Variants in MC2R observed in about 807,000 individuals in gnomAD.
The protein encoded by MC2R is melanocortin 2 receptor, also known as adrenocorticotropic hormone receptor.
Under a neutral mutation model 9.8 loss-of-function variants are expected in MC2R, and 9 were observed. The ratio of observed to expected loss-of-function variants is 0.92; its 90% CI spans 0.55 to 1.60. The LOEUF (loss-of-function observed/expected upper bound fraction) is 1.60. Among genes scored for constraint, MC2R ranks in the 40% most tolerant of loss-of-function variants. The pLI, the probability that MC2R is intolerant of heterozygous loss-of-function variation, is 0.00. For synonymous variants in MC2R, 185 were observed against 154.7 expected (o/e 1.20, Z -1.45); for missense variants, 370 against 389.0 (o/e 0.95, Z 0.41).
chr18:13,902,536 C>T (rs912843457), intron 1 of MC2R, among the ~76,000 whole-genome samples: 11 of 152,016 alleles, frequency 7.2e-5, no homozygotes, highest in Non-Finnish European at 1.3e-4. Context: ...GAAACAGATC[C>T]GGACACCTAT....
rs921485952 is a variant in MC2R at position 13,891,034 on chromosome 18, G to A, written c.-128-5388C>T. Reference sequence around the variant, plus strand: ...CTGAGAACATTTCATCTGGCCATGGGGAGGCTTCAAGCCAAAGCTGCCCAT... The same window carrying A: ...CTGAGAACATTTCATCTGGCCATGGAGAGGCTTCAAGCCAAAGCTGCCCAT... On this transcript the variant is annotated intron_variant, in intron 1 of 1. Transcript: ENST00000327606. 4.6e-5 allele frequency among the ~76,000 whole-genome samples: 7 copies of A among 152,192 alleles called. No homozygotes were observed. In the East Asian group the frequency reaches 1.3e-3, roughly 29 times the overall value.
chr18:13,902,153 AT>A (rs2045383980), intron 1 of MC2R, among the ~76,000 whole-genome samples: 1 of 152,140 alleles, frequency 6.6e-6, no homozygotes. Context: ...CAAAAACCAT[AT>A]GATAATTTCA....
intron 1 of MC2R, among the ~76,000 whole-genome samples, chr18:13,907,727 C>T (rs2045421602): frequency 6.6e-6 from 1 of 152,180 alleles, no homozygotes; most frequent in African/African-American, 2.4e-5. Flanking sequence ...AATATCTGCA[C>T]AGACTTTGCT....
At chr18:13,908,623 T>TG (rs915280477) in intron 1 of MC2R, among the ~76,000 whole-genome samples, 13 of 152,142 alleles carry the variant, frequency 8.5e-5, no homozygotes, top group Non-Finnish European at 1.8e-4. Flanking sequence ...AATTATCACA[T>TG]GTACCCTGAA....
At chr18:13,912,096 T>C (rs541011682) in intron 1 of MC2R, among the ~76,000 whole-genome samples, 4 of 152,356 alleles carry the variant, frequency 2.6e-5, no homozygotes, top group Middle Eastern at 6.8e-3. Flanking sequence ...CAATTTTACT[T>C]AATACTCAAC....
At chr18:13,888,050 A>C (rs934405960) in intron 1 of MC2R, among the ~76,000 whole-genome samples, 1 of 152,198 alleles carries the variant, frequency 6.6e-6, no homozygotes, top group Non-Finnish European at 1.5e-5. Context: ...TCATGAGTCC[A>C]TTAAATGTAA....
At chr18:13,906,002 A>T (rs537095594) in intron 1 of MC2R, among the ~76,000 whole-genome samples, 5 of 152,324 alleles carry the variant, frequency 3.3e-5, no homozygotes, top group African/African-American at 1.2e-4. Context: ...CAGATCTTAG[A>T]GGCGGAGGTT....
Position 13,908,030 on chromosome 18 carries a change from TATATA to T in MC2R, c.-129+7453_-129+7457del, listed in dbSNP as rs548110951. On this transcript the variant is annotated intron_variant, in intron 1 of 1. Transcript: ENST00000327606. Reference sequence around the variant, plus strand: ...ATGATCCAGCAATCCCACTACTGGGTATATATTGAAAAGAAAAGAGATCAGCACAT... The same window carrying T: ...ATGATCCAGCAATCCCACTACTGGGTTTGAAAAGAAAAGAGATCAGCACAT... Among the ~76,000 whole-genome samples, 32 of 152,150 alleles carry T rather than the reference TATATA, an allele frequency of 2.1e-4. No individual in the cohort carries two copies. The East Asian group carries it at 6.0e-3, about 28-fold the overall frequency.
At chr18:13,895,178 T>G (rs1244490274) in intron 1 of MC2R, among the ~76,000 whole-genome samples, 1 of 152,254 alleles carries the variant, frequency 6.6e-6, no homozygotes, top group Non-Finnish European at 1.5e-5. Context: ...AGCCTGTGCT[T>G]CTAAACAAAT....
intron 1 of MC2R, among the ~76,000 whole-genome samples, chr18:13,887,886 C>T (rs1268954315): frequency 1.4e-5 from 2 of 147,132 alleles, no homozygotes; most frequent in East Asian, 2.0e-4. Flanking sequence ...AGCCCCATAA[C>T]TGTGTGTGCC....
chr18:13,900,388 G>A (rs2045371759), intron 1 of MC2R, among the ~76,000 whole-genome samples: 1 of 151,966 alleles, frequency 6.6e-6, no homozygotes, highest in Non-Finnish European at 1.5e-5. Context: ...AATGGCAGGA[G>A]TAAGTCCTTA....
At chr18:13,896,681 A>G (rs1228263274) in intron 1 of MC2R, among the ~76,000 whole-genome samples, 1 of 152,216 alleles carries the variant, frequency 6.6e-6, no homozygotes, top group East Asian at 1.9e-4. Flanking sequence ...ATCACTAAAT[A>G]TCTGGAGCAA....
rs1234145046 is a variant in MC2R at position 13,884,947 on chromosome 18, C to G, written c.572G>C (p.Cys191Ser). ...CAGCAGGAACATGTGCACATAGAGG[C>G]ACAGGATGAAGACCAGCATCAGCGG... ...LFPLMLVFIL[C>S]LYVHMFLLAR... The change falls in exon 2 of 2, where the codon TGC becomes TCC. Residue 191 changes from cysteine to serine, a missense_variant. By Grantham distance (112) the Cys-to-Ser change is moderately radical. Coordinates refer to ENST00000327606, the MANE Select transcript of MC2R (RefSeq NM_000529.2). 1.9e-6 allele frequency: 3 copies of G among 1,614,010 alleles called. No homozygotes were observed. Among genetic ancestry groups the G allele is most frequent in the South Asian group, 1.1e-5 (1 of 91,074 alleles).
rs543319373 is a variant in MC2R, at chr18:13,884,542, C to T, written c.*83G>A. 35 of 1,452,580 alleles carry T rather than the reference C, an allele frequency of 2.4e-5. No individual in the cohort carries two copies. The South Asian group carries it at 3.8e-4, about 16-fold the overall frequency. 90.0% of individuals were successfully genotyped at this position (1,452,580 alleles called of 1,614,324 possible). Reference sequence around the variant, plus strand: ...TTAGGGAAGGAAGGCCAGTGAGGAGCACTGGCATTTGTTGGAATGTTACAC... The same window carrying T: ...TTAGGGAAGGAAGGCCAGTGAGGAGTACTGGCATTTGTTGGAATGTTACAC... On this transcript the variant is annotated 3_prime_UTR_variant, in exon 2 of 2. Transcript: ENST00000327606.
At chr18:13,890,241 G>A (rs1284350848) in intron 1 of MC2R, among the ~76,000 whole-genome samples, 1 of 152,180 alleles carries the variant, frequency 6.6e-6, no homozygotes, top group Non-Finnish European at 1.5e-5. Flanking sequence ...TGAGCAGCAG[G>A]GCTGCAGGCG....
In MC2R at chr18:13,883,030, C is replaced by T. The variant is rs2045242960; in HGVS notation, c.*1595G>A. Reference sequence around the variant, plus strand: ...CCTCACTTGACTCCAGCTGCCTTGCCTCCTTTGCTTCTGAAGTTCCTGTCC... The same window carrying T: ...CCTCACTTGACTCCAGCTGCCTTGCTTCCTTTGCTTCTGAAGTTCCTGTCC... On this transcript the variant is annotated 3_prime_UTR_variant, in exon 2 of 2. Transcript: ENST00000327606. 1.3e-5 allele frequency: 2 copies of T among 152,318 alleles called. No individual in the cohort carries two copies. Among genetic ancestry groups the T allele is most frequent in the Admixed American group, 1.3e-4 (2 of 15,284 alleles). The allele number at this position is 152,318 out of a possible 1,614,324, so 9.4% of individuals were successfully genotyped here.
chr18:13,884,059 C>A lies in MC2R; in HGVS notation c.*566G>T, dbSNP rs1223385915. 4.2e-5 allele frequency: 7 copies of A among 168,512 alleles called. No homozygotes were observed. The highest frequency in any genetic ancestry group is 1.5e-4 in the South Asian group (1 of 6,890). The allele number at this position is 168,512 out of a possible 1,614,324, so 10.4% of individuals were successfully genotyped here. ...GAGAAAGAGGAGGGTGGAGATTCCA[C>A]ATGGCTGTGGGAGACAGACAAATTC... is the stretch of plus-strand genomic sequence containing the variant. On this transcript the variant is annotated 3_prime_UTR_variant, in exon 2 of 2. Transcript: ENST00000327606.
chr18:13,884,821 G>A lies in MC2R; in HGVS notation c.698C>T (p.Ala233Val), dbSNP rs770298010. The A allele has an allele frequency of 6.2e-7, 1 of 1,613,982 alleles. No individual in the cohort carries two copies. The highest frequency in any genetic ancestry group is 1.7e-5 in the Admixed American group (1 of 60,016). ...CAAGAGGACATGAAGCACAAAGGGG[G>A]CCCAGCAGAAGATGAAGACCCCGAG... ...ILLGVFIFCW[A>V]PFVLHVLLMT... Residue 233 changes from alanine (A) to valine (V), a missense_variant, in exon 2 of 2, where the codon GCC becomes GTC. Physicochemically the swap from Ala to Val is moderately conservative, Grantham distance 64. Coordinates refer to ENST00000327606, the MANE Select transcript of MC2R (RefSeq NM_000529.2).
intron 1 of MC2R, among the ~76,000 whole-genome samples, chr18:13,906,305 C>G (rs2045414067): frequency 6.6e-6 from 1 of 152,154 alleles, no homozygotes; most frequent in Non-Finnish European, 1.5e-5. Flanking sequence ...TGGAAGCCAT[C>G]ATCCTCAGCA....
Sources: gnomAD v4.1 joint callset for allele counts (sites outside exome capture counted in the v4.1 genomes callset) on GRCh38, gnomAD v4.1.1 for gene constraint, MANE v1.5 for transcripts, NCBI Gene and HGNC (gene_info 2026-07-23, HGNC 2026-07-21) for gene names.